The following RARB variants were observed in gnomAD, a reference collection of about 807,000 sequenced individuals.
RARB encodes the protein retinoic acid receptor beta, also known as HBV-activated protein.
Under a neutral mutation model 51.9 loss-of-function variants are expected in RARB, and 17 were observed. The observed-to-expected ratio is 0.33, with a 90% CI of 0.22 to 0.49. RARB has a LOEUF of 0.49. RARB is among the 20% of genes least tolerant of loss of function. The pLI is 0.99. For missense variants in RARB, 369 were observed against 550.8 expected (o/e 0.67, Z 3.30); for synonymous variants, 215 against 195.4 (o/e 1.10, Z -0.84).
At chr3:25,228,951 C>T (rs1012552145) in intron 5 of RARB, among the ~76,000 whole-genome samples, 16 of 152,092 alleles carry the variant, frequency 1.1e-4, no homozygotes, top group African/African-American at 3.6e-4. Context: ...TTCGCCTCCT[C>T]TACAATATGC....
At chr3:24,908,999 T>C (rs1445162305) in intron 2 of RARB, among the ~76,000 whole-genome samples, 1 of 152,160 alleles carries the variant, frequency 6.6e-6, no homozygotes, top group East Asian at 1.9e-4. Context: ...AAGAATGCTA[T>C]TAATAACATT....
chr3:25,132,727 A>C (rs1043660321), intron 4 of RARB, among the ~76,000 whole-genome samples: 9 of 151,968 alleles, frequency 5.9e-5, no homozygotes, highest in Non-Finnish European at 1.0e-4. Context: ...ATGGCTTTTA[A>C]GTGTTCTCAC....
intron 3 of RARB, among the ~76,000 whole-genome samples, chr3:25,077,130 A>G (rs1449961742): frequency 6.6e-6 from 1 of 152,218 alleles, no homozygotes; most frequent in Non-Finnish European, 1.5e-5. Context: ...AATATTGATA[A>G]TTAATGGGCT....
At chr3:25,284,994 G>A (rs1183546864) in intron 5 of RARB, among the ~76,000 whole-genome samples, 1 of 152,110 alleles carries the variant, frequency 6.6e-6, no homozygotes, top group Admixed American at 6.5e-5. Flanking sequence ...CCCTGATATT[G>A]TTTCATTCTT....
At chr3:25,252,173 T>A (rs760071881) in intron 5 of RARB, among the ~76,000 whole-genome samples, 13 of 152,196 alleles carry the variant, frequency 8.5e-5, no homozygotes, top group Non-Finnish European at 1.6e-4. Context: ...AACAGAGGTA[T>A]AAGTGCTTAC....
chr3:25,384,055 A>T (rs1251725671), intron 5 of RARB, among the ~76,000 whole-genome samples: 2 of 152,194 alleles, frequency 1.3e-5, no homozygotes, highest in Admixed American at 1.3e-4. Context: ...TTGGAAGAAG[A>T]AAAAAACAGA....
rs539076654 is a variant in RARB at position 25,099,925 on chromosome 3, T to C, written c.-327-32236T>C. On this transcript the variant is annotated intron_variant, in intron 3 of 11. Coordinates refer to the RARB transcript ENST00000383772. ...GACTGTTCGTAAATGCTTTTCCTTA[T>C]GGACTACCTTGGCTCCTTGGCCTAC... 4.4e-4 allele frequency among the ~76,000 whole-genome samples: 67 copies of C among 152,350 alleles called. No homozygotes were observed. In the South Asian group the frequency reaches 0.013, roughly 29 times the overall value.
At chr3:25,204,476 A>G (rs965205584) in intron 5 of RARB, among the ~76,000 whole-genome samples, 19 of 152,164 alleles carry the variant, frequency 1.2e-4, no homozygotes, top group African/African-American at 7.2e-5. Context: ...GAGGAGCTGC[A>G]TTCCTTTAGA....
At chr3:25,043,301 C>T (rs2125295974) in intron 2 of RARB, among the ~76,000 whole-genome samples, 1 of 152,252 alleles carries the variant, frequency 6.6e-6, no homozygotes, top group Middle Eastern at 3.4e-3. Context: ...GTGTATCTGG[C>T]CATTCTTAAC....
At chr3:24,839,182 C>G (rs1702384676) in intron 1 of RARB, among the ~76,000 whole-genome samples, 1 of 151,996 alleles carries the variant, frequency 6.6e-6, no homozygotes, top group African/African-American at 2.4e-5. Flanking sequence ...CTTCAGCTTT[C>G]AGAAGTAAAA....
intron 3 of RARB, among the ~76,000 whole-genome samples, chr3:25,553,896 C>T (rs1699942651): frequency 6.6e-6 from 1 of 152,110 alleles, no homozygotes; most frequent in Non-Finnish European, 1.5e-5. Context: ...AAACAGTACT[C>T]GGCCCAGACA....
chr3:25,087,434 C>G (rs557343648), intron 3 of RARB, among the ~76,000 whole-genome samples: 130 of 152,180 alleles, frequency 8.5e-4, no homozygotes, highest in African/African-American at 2.9e-3. Context: ...AGCCATAATT[C>G]CTGGGTTCAA....
chr3:25,169,015 A>G (rs1700601639), intron 4 of RARB, among the ~76,000 whole-genome samples: 1 of 152,228 alleles, frequency 6.6e-6, no homozygotes. Flanking sequence ...AAAGCAATGT[A>G]AAAAGCTTGG....
chr3:25,438,330 C>T (rs1476680933), intron 1 of RARB, among the ~76,000 whole-genome samples: 2 of 132,514 alleles, frequency 1.5e-5, no homozygotes, highest in Non-Finnish European at 3.6e-5. Flanking sequence ...AGGGCCAGCC[C>T]AGATTCAATA....
At chr3:25,310,820 T>G (rs979706145) in intron 5 of RARB, among the ~76,000 whole-genome samples, 2 of 152,174 alleles carry the variant, frequency 1.3e-5, no homozygotes, top group Non-Finnish European at 2.9e-5. Context: ...CCTCAGGCAG[T>G]GCCCGTGTCA....
At chr3:25,320,023 A>C (rs564108283) in intron 5 of RARB, among the ~76,000 whole-genome samples, 1 of 131,782 alleles carries the variant, frequency 7.6e-6, no homozygotes, top group African/African-American at 2.9e-5. Context: ...AAAAATAAGG[A>C]TCATCTTTTT....
chr3:25,028,923 C>T (rs373395064), intron 2 of RARB, among the ~76,000 whole-genome samples: 257 of 152,312 alleles, frequency 1.7e-3, no homozygotes, highest in African/African-American at 6.0e-3. Context: ...AACTCCACCC[C>T]ACCCCTACTC....
intron 5 of RARB, among the ~76,000 whole-genome samples, chr3:25,381,551 A>G (rs867033490): frequency 3.3e-5 from 5 of 152,240 alleles, no homozygotes; most frequent in South Asian, 2.1e-4. Context: ...AGTAAGAGCT[A>G]TGCACGTATT....
At chr3:25,436,287 A>G (rs1057309325) in intron 1 of RARB, among the ~76,000 whole-genome samples, 3 of 152,120 alleles carry the variant, frequency 2.0e-5, no homozygotes, top group African/African-American at 7.2e-5. Flanking sequence ...CACATGATTC[A>G]TCCGTTTTGG....
Sources: allele counts gnomAD v4.1 joint callset (sites outside exome capture counted in the v4.1 genomes callset), GRCh38; gene constraint gnomAD v4.1.1; transcripts MANE v1.5; gene names NCBI Gene and HGNC (gene_info 2026-07-23, HGNC 2026-07-21).